ZNF841: variants seen among roughly 807,000 people sequenced by gnomAD.
The protein encoded by ZNF841 is TCONS_00006091.
In ZNF841, 11 loss-of-function variants were observed where a neutral mutation model predicts 13.0. The ratio of observed to expected loss-of-function variants is 0.85; its 90% CI spans 0.53 to 1.40. The LOEUF (loss-of-function observed/expected upper bound fraction) is 1.40. Ranked by LOEUF, ZNF841 falls within the 40% of genes most tolerant of loss-of-function variation. The probability of loss-of-function intolerance (pLI) is 0.00; values close to 1 mark genes in which losing one functional copy is unlikely to be tolerated. For synonymous variants in ZNF841, 369 were observed against 381.6 expected (o/e 0.97, Z 0.38); for missense variants, 1,068 against 1,139.5 (o/e 0.94, Z 0.90).
At position 52,066,478 on chromosome 19, in the gene ZNF841, T is replaced by C. The variant is rs2087566774; in HGVS notation, c.1404A>G (p.Gln468=). ...KCNECGKVFF[Q]RSRLAGHRRI... ...TCCGGTGCCCTGCAAGACGTGAACGTTGAAAGAAGACCTTGCCACATTCAT... is the reference window on the plus strand; with the variant it reads ...TCCGGTGCCCTGCAAGACGTGAACGCTGAAAGAAGACCTTGCCACATTCAT... Residue 468 remains glutamine, a synonymous_variant, in exon 7 of 7, where the codon CAA becomes CAG. Transcript: ENST00000594440. 2.5e-6 allele frequency: 4 copies of C among 1,613,612 alleles called. No individual in the cohort carries two copies. The highest frequency in any genetic ancestry group is 2.5e-6 in the Non-Finnish European group (3 of 1,179,858).
At chr19:52,084,650 G>T in intron 4 of ZNF841, 137 bp downstream of exon 4, 2 of 884,190 alleles carry the variant, frequency 2.3e-6, no homozygotes, top group Non-Finnish European at 3.6e-6. Flanking sequence ...AGAAGAGAGG[G>T]ACTGAAGGAA....
intron 2 of ZNF841, among the ~76,000 whole-genome samples, chr19:52,092,031 A>G (rs560256046): frequency 6.6e-6 from 1 of 152,174 alleles, no homozygotes; most frequent in East Asian, 1.9e-4. Context: ...AATACCAGCT[A>G]CTACGGGGGC....
At position 52,066,643 on chromosome 19, in the gene ZNF841, G is replaced by A. The variant is rs755444222; in HGVS notation, c.1239C>T (p.Asn413=). ...TTATATGATGTGCAGTGAGGCTTGAGTTCCGTTTAAAGGTTTTGCCACATT... is the reference window on the plus strand; with the variant it reads ...TTATATGATGTGCAGTGAGGCTTGAATTCCGTTTAAAGGTTTTGCCACATT... ...CNECGKTFKR[N]SSLTAHHIIH... is the part of the protein sequence containing the mutation. Residue 413 remains asparagine (N), a synonymous_variant, in exon 7 of 7, where the codon AAC becomes AAT. Transcript: ENST00000594440. The A allele has an allele frequency of 3.8e-5, 61 of 1,613,028 alleles. No individual in the cohort carries two copies. In the Middle Eastern group the frequency reaches 4.9e-4, roughly 13 times the overall value.
intron 2 of ZNF841, among the ~76,000 whole-genome samples, chr19:52,090,705 A>AAGAAAGAAAGAG (rs1568549782): frequency 1.1e-4 from 15 of 132,022 alleles, no homozygotes; most frequent in African/African-American, 3.7e-4. Context: ...GAAAGAAAGA[A>AAGAAAGAAAGAG]AGAGAAAGAA....
At chr19:52,086,371 G>A (rs537649246) in intron 3 of ZNF841, among the ~76,000 whole-genome samples, 14 of 152,074 alleles carry the variant, frequency 9.2e-5, no homozygotes, top group East Asian at 5.8e-4. Context: ...AGTGTGTAGC[G>A]CCTCCCCCCT....
In ZNF841 at chr19:52,084,841, T is replaced by C; in HGVS notation, c.-40A>G. On this transcript the variant is annotated 5_prime_UTR_variant, in exon 4 of 7. Transcript: ENST00000594440. ...CTTTCTTCTTTCTCTCCTGGGCCTCTCTCTCAGTCAATATAATTAATTCTT... is the reference window on the plus strand; with the variant it reads ...CTTTCTTCTTTCTCTCCTGGGCCTCCCTCTCAGTCAATATAATTAATTCTT... The C allele has an allele frequency of 6.3e-7, 1 of 1,595,806 alleles. No homozygotes were observed. Among genetic ancestry groups the C allele is most frequent in the Non-Finnish European group, 8.5e-7 (1 of 1,172,534 alleles).
downstream of ZNF841, among the ~76,000 whole-genome samples, chr19:52,060,670 G>C (rs1420345964): frequency 1.3e-5 from 2 of 152,178 alleles, no homozygotes; most frequent in Non-Finnish European, 2.9e-5. Flanking sequence ...AGGGATGGCT[G>C]CCCTGCCCAG....
At chr19:52,058,984 G>C in the ZNF841 span, 69,383 of 153,020 alleles carry the variant, frequency 0.45, 18,299 homozygotes, top group African/African-American at 0.72. Context: ...ATTTACATTT[G>C]TTCCCTTGTA....
chr19:52,087,187 A>C (rs1208877691), intron 3 of ZNF841, among the ~76,000 whole-genome samples: 1 of 152,222 alleles, frequency 6.6e-6, no homozygotes, highest in Non-Finnish European at 1.5e-5. Flanking sequence ...ATGGAAGCCC[A>C]AAGTATTTTC....
At position 52,067,602 on chromosome 19, in the gene ZNF841, G is replaced by A; in HGVS notation, c.280C>T (p.Pro94Ser). Residue 94 changes from proline to serine, a missense_variant, in exon 7 of 7, where the codon CCT becomes TCT. Pro to Ser is a moderately conservative substitution (Grantham distance 74). Transcript: ENST00000594440. Reference sequence around the variant, plus strand: ...GGTAATTCCTTGATCACACATTTAGGAGAGATACCTGCAAAATATAATGAA... The same window carrying A: ...GGTAATTCCTTGATCACACATTTAGAAGAGATACCTGCAAAATATAATGAA... ...CMKGVITGISPKCVIKELPPI... is the reference protein window; with the variant it reads ...CMKGVITGISSKCVIKELPPI... The A allele has an allele frequency of 6.6e-7, 1 of 1,507,694 alleles. No individual in the cohort carries two copies. The highest frequency in any genetic ancestry group is 8.8e-7 in the Non-Finnish European group (1 of 1,132,654). 93.4% of individuals were successfully genotyped at this position (1,507,694 alleles called of 1,614,324 possible). A position where few individuals can be genotyped will look rare whatever the true frequency, so the allele number is the denominator to read the frequency against.
At position 52,066,555 on chromosome 19, in the gene ZNF841, G is replaced by C. The variant is rs150787624; in HGVS notation, c.1327C>G (p.Gln443Glu). 6.2e-7 allele frequency: 1 copy of C among 1,613,470 alleles called. No individual in the cohort carries two copies. The highest frequency in any genetic ancestry group is 8.5e-7 in the Non-Finnish European group (1 of 1,179,724). The change falls in exon 7 of 7, where the codon CAA becomes GAA. Residue 443 changes from glutamine to glutamate, a missense_variant. Transcript: ENST00000594440. ...TGAATTATCTGGTGCCTTACAAGTT[G>C]TGAATTCTGATAAAAGACCTTGCCA... Reference protein sequence around the residue: ...VCGKVFYQNSQLVRHQIIHTG... With the variant: ...VCGKVFYQNSELVRHQIIHTG...
At chr19:52,075,999 A>G (rs1470160435) in intron 6 of ZNF841, 45 bp downstream of exon 6, 7 of 1,548,018 alleles carry the variant, frequency 4.5e-6, no homozygotes, top group Non-Finnish European at 6.1e-6. Context: ...TCTTACGCAC[A>G]CAATTTCATG....
intron 4 of ZNF841, among the ~76,000 whole-genome samples, chr19:52,082,563 C>A (rs1410447798): frequency 6.6e-6 from 1 of 152,132 alleles, no homozygotes; most frequent in Non-Finnish European, 1.5e-5. Context: ...CAAACATTTA[C>A]TTATTTTTGC....
chr19:52,067,900 C>T (rs1004495395), intron 6 of ZNF841, among the ~76,000 whole-genome samples: 6 of 152,040 alleles, frequency 3.9e-5, no homozygotes, highest in African/African-American at 1.2e-4. Flanking sequence ...ATTTTGCAAT[C>T]GCTGACCCCA....
chr19:52,075,697 G>A (rs2087876555), intron 6 of ZNF841, among the ~76,000 whole-genome samples: 1 of 152,188 alleles, frequency 6.6e-6, no homozygotes, highest in African/African-American at 2.4e-5. Flanking sequence ...GAGAACTGAG[G>A]ATCAGATGGA....
At chr19:52,062,506 T>C (rs8107854), downstream of ZNF841, among the ~76,000 whole-genome samples, 235 of 152,248 alleles carry the variant, frequency 1.5e-3, no homozygotes, top group African/African-American at 5.5e-3. Flanking sequence ...GACCTTAATC[T>C]TCCAGAAAAC....
chr19:52,074,205 C>T (rs980966218), intron 6 of ZNF841, among the ~76,000 whole-genome samples: 1 of 152,178 alleles, frequency 6.6e-6, no homozygotes, highest in Admixed American at 6.5e-5. Context: ...CATTCCCCAA[C>T]ACAACACTAC....
At chr19:52,072,477 T>C (rs2087766520) in intron 6 of ZNF841, among the ~76,000 whole-genome samples, 1 of 152,166 alleles carries the variant, frequency 6.6e-6, no homozygotes, top group Non-Finnish European at 1.5e-5. Context: ...GCATAACTTA[T>C]CCCATCATAA....
chr19:52,059,037 T>G, the ZNF841 span: 1 of 153,344 alleles, frequency 6.5e-6, no homozygotes, highest in Non-Finnish European at 1.5e-5. Context: ...AAGGTGGTAT[T>G]TTCAGATTTG....
Sources: allele counts gnomAD v4.1 joint callset (sites outside exome capture counted in the v4.1 genomes callset), GRCh38; gene constraint gnomAD v4.1.1; transcripts MANE v1.5; gene names NCBI Gene and HGNC (gene_info 2026-07-23, HGNC 2026-07-21).